VPS35: variants seen among roughly 807,000 people sequenced by gnomAD.
VPS35 encodes VPS35 retromer complex component.
A neutral mutation model predicts 98.1 loss-of-function variants in VPS35; 21 were observed. The observed-to-expected ratio is 0.21, with a 90% CI of 0.15 to 0.31. The LOEUF (loss-of-function observed/expected upper bound fraction) is 0.31, where lower values mean the gene tolerates loss of function less well. Ranked by LOEUF, VPS35 falls within the 10% of genes least tolerant of loss-of-function variation. VPS35 has a pLI of 1.00. For missense variants in VPS35, 554 were observed against 950.8 expected (o/e 0.58, Z 5.49); for synonymous variants, 268 against 318.2 (o/e 0.84, Z 1.68).
chr16:46,664,069 T>A (rs1192519107), intron 13 of VPS35, among the ~76,000 whole-genome samples: 1 of 151,918 alleles, frequency 6.6e-6, no homozygotes, highest in Admixed American at 6.6e-5. Flanking sequence ...ATTAGAAAAA[T>A]ACACAAAATC....
At chr16:46,683,862 C>G (rs979722409) in intron 1 of VPS35, among the ~76,000 whole-genome samples, 7 of 152,114 alleles carry the variant, frequency 4.6e-5, no homozygotes, top group African/African-American at 1.4e-4. Flanking sequence ...GTAGCTGGGA[C>G]TACAAGCGCC....
rs1965845730 is a variant in VPS35, at chr16:46,656,515, G to T, written c.*3957C>A. 1 of 152,212 alleles carries T rather than the reference G, an allele frequency of 6.6e-6. No homozygotes were observed. Among genetic ancestry groups the T allele is most frequent in the Non-Finnish European group, 1.5e-5 (1 of 68,042 alleles). The allele number at this position is 152,212 out of a possible 1,614,324, so 9.4% of individuals were successfully genotyped here. The stretch of plus-strand genomic sequence containing the variant: ...CCTTGTTCATTCCTGGGCATAGGTA[G>T]AACTAACCTTGGGAAGTAATTTATA... On this transcript the variant is annotated 3_prime_UTR_variant, in exon 17 of 17. Coordinates refer to ENST00000299138, the MANE Select transcript of VPS35 (RefSeq NM_018206.6).
At position 46,662,405 on chromosome 16, in the gene VPS35, A is replaced by C. The variant is rs569735490; in HGVS notation, c.1905T>G (p.Phe635Leu). 4.3e-6 allele frequency: 7 copies of C among 1,614,174 alleles called. No individual in the cohort carries two copies. In the African/African-American group the frequency reaches 6.7e-5, roughly 15 times the overall value. Reference protein sequence around the residue: ...LAAITLIIGTFERMKCFSEEN... With the variant: ...LAAITLIIGTLERMKCFSEEN... Reference sequence around the variant, plus strand: ...CTTCACTGAAGCACTTCATCCTTTCAAAAGTGCCAATGATCAAGGTGATGG... The same window carrying C: ...CTTCACTGAAGCACTTCATCCTTTCCAAAGTGCCAATGATCAAGGTGATGG... The change falls in exon 15 of 17, where the codon TTT (phenylalanine) becomes TTG (leucine). Residue 635 changes from phenylalanine to leucine, a missense_variant. Transcript: ENST00000299138.
In VPS35 at chr16:46,674,351, T is replaced by C. The variant is rs1461530466; in HGVS notation, c.1123A>G (p.Thr375Ala). 3 of 1,614,136 alleles carry C rather than the reference T, an allele frequency of 1.9e-6. No individual in the cohort carries two copies. Among genetic ancestry groups the C allele is most frequent in the Non-Finnish European group, 2.5e-6 (3 of 1,180,018 alleles). Reference sequence around the variant, plus strand: ...AGCTTATTGAATATCTCCACTGTTGTTTCTAGAACTTTATCAACATAGTCC... The same window carrying C: ...AGCTTATTGAATATCTCCACTGTTGCTTCTAGAACTTTATCAACATAGTCC... ...RVDYVDKVLE[T>A]TVEIFNKLNL... The change falls in exon 10 of 17, where the codon ACA (threonine) becomes GCA (alanine). Residue 375 changes from threonine (T) to alanine (A), a missense_variant. Coordinates refer to ENST00000299138, the MANE Select transcript of VPS35 (RefSeq NM_018206.6).
intron 2 of VPS35, 196 bp downstream of exon 2, chr16:46,683,312 T>C (rs756681166): frequency 1.9e-4 from 114 of 611,726 alleles, no homozygotes; most frequent in Non-Finnish European, 2.9e-4. Flanking sequence ...TCCCAAACCA[T>C]AAATATACAT....
At chr16:46,676,078 A>AAC (rs1966145863) in intron 8 of VPS35, among the ~76,000 whole-genome samples, 1 of 151,192 alleles carries the variant, frequency 6.6e-6, no homozygotes, top group Non-Finnish European at 1.5e-5. Flanking sequence ...AAAAAAAAAA[A>AAC]AAAAAAAAAA....
chr16:46,660,776 G>C (rs1486779772), intron 16 of VPS35, 125 bp from the exon 17 acceptor site: 2 of 283,576 alleles, frequency 7.1e-6, no homozygotes, highest in Non-Finnish European at 1.3e-5. Context: ...TATGAAAAAA[G>C]AAAGATGGGG....
At chr16:46,672,635 G>A (rs1195743459) in intron 10 of VPS35, among the ~76,000 whole-genome samples, 163 bp from the exon 11 acceptor site, 1 of 152,156 alleles carries the variant, frequency 6.6e-6, no homozygotes. Context: ...CTTTCAGGAG[G>A]ATAAAAATGC....
At position 46,672,403 on chromosome 16, in the gene VPS35, G is replaced by A; in HGVS notation, c.1230C>T (p.Asn410=). 2 of 1,613,686 alleles carry A rather than the reference G, an allele frequency of 1.2e-6. No homozygotes were observed. The highest frequency in any genetic ancestry group is 1.7e-6 in the Non-Finnish European group (2 of 1,179,852). ...RLLKIPVDTY[N]NILTVLKLKH... is the part of the protein sequence containing the mutation. ...TTAATTTCAAGACTGTTAAAATATT[G>A]TTGTAAGTGTCAACTGGTATTTTCA... The change falls in exon 11 of 17, where the codon AAC becomes AAT. Residue 410 remains asparagine (N), a synonymous_variant. Coordinates refer to ENST00000299138, the MANE Select transcript of VPS35 (RefSeq NM_018206.6).
At chr16:46,681,322 G>T (rs373254993) in intron 4 of VPS35, 55 bp downstream of exon 4, 2 of 1,607,564 alleles carry the variant, frequency 1.2e-6, no homozygotes, top group South Asian at 1.1e-5. Context: ...CATAAAAGAC[G>T]TAACATATAG....
At chr16:46,672,498 A>G in intron 10 of VPS35, 26 bp from the exon 11 acceptor site, 1 of 1,586,992 alleles carries the variant, frequency 6.3e-7, no homozygotes, top group Non-Finnish European at 8.6e-7. Context: ...CAGAAGTCTT[A>G]ATGAATAAAA....
Position 46,658,847 on chromosome 16 carries a change from G to A in VPS35, c.*1625C>T, listed in dbSNP as rs910600737. On this transcript the variant is annotated 3_prime_UTR_variant, in exon 17 of 17. Transcript: ENST00000299138. ...TAGTCATCAAGTGCTAGCAATGGGAGGGCAGATGGTGAGGGGTTAAGTGAT... is the reference window on the plus strand; with the variant it reads ...TAGTCATCAAGTGCTAGCAATGGGAAGGCAGATGGTGAGGGGTTAAGTGAT... 6 of 152,260 alleles carry A rather than the reference G, an allele frequency of 3.9e-5. No homozygotes were observed. The highest frequency in any genetic ancestry group is 7.2e-5 in the African/African-American group (3 of 41,476). 9.4% of individuals were successfully genotyped at this position (152,260 alleles called of 1,614,324 possible).
At chr16:46,679,658 G>T (rs879575980) in intron 5 of VPS35, among the ~76,000 whole-genome samples, 7 of 152,158 alleles carry the variant, frequency 4.6e-5, no homozygotes, top group Admixed American at 1.3e-4. Context: ...TTTTTAATTG[G>T]AATGTAAGCT....
At position 46,660,783 on chromosome 16, in the gene VPS35, G is replaced by T. The variant is rs186258822; in HGVS notation, c.2212-132C>A. 5.8e-6 allele frequency: 4 copies of T among 693,838 alleles called. No homozygotes were observed. In the African/African-American group the frequency reaches 7.2e-5, roughly 13 times the overall value. 43.0% of individuals were successfully genotyped at this position (693,838 alleles called of 1,614,324 possible). A position where few individuals can be genotyped will look rare whatever the true frequency, so the allele number is the denominator to read the frequency against. On this transcript the variant is annotated intron_variant, in intron 16 of 16. Coordinates refer to ENST00000299138, the MANE Select transcript of VPS35 (RefSeq NM_018206.6). ...TGAGTAATTATGAAAAAAGAAAGATGGGGATACAATTCCTAGTTTGAACAA... is the reference window on the plus strand; with the variant it reads ...TGAGTAATTATGAAAAAAGAAAGATTGGGATACAATTCCTAGTTTGAACAA...
Position 46,671,923 on chromosome 16 carries a change from CAA to C in VPS35, c.1369-65_1369-64del. The C allele has an allele frequency of 2.5e-6, 4 of 1,599,656 alleles. 1 individual carries two copies. In the South Asian group the frequency reaches 4.5e-5, roughly 18 times the overall value. ...AACCATTGGCATACAAAGCCATTAT[CAA>C]AAGTGTTTCCAGTTATAAAATTACA... On this transcript the variant is annotated intron_variant, in intron 11 of 16. Coordinates refer to ENST00000299138, the MANE Select transcript of VPS35 (RefSeq NM_018206.6).
At chr16:46,687,600 C>T (rs544289111) in intron 1 of VPS35, among the ~76,000 whole-genome samples, 1 of 152,246 alleles carries the variant, frequency 6.6e-6, no homozygotes, top group Non-Finnish European at 1.5e-5. Flanking sequence ...CACTGTATTA[C>T]AGTTAAGTTC....
At chr16:46,681,701 C>T (rs1966237995) in intron 3 of VPS35, 4 of 612,048 alleles carry the variant, frequency 6.5e-6, no homozygotes, top group Non-Finnish European at 1.1e-5. Flanking sequence ...TCAAGCAAAG[C>T]AGTAAATACA....
At chr16:46,676,817 A>G in intron 7 of VPS35, 125 bp from the exon 8 acceptor site, 1 of 732,996 alleles carries the variant, frequency 1.4e-6, no homozygotes, top group Non-Finnish European at 2.5e-6. Flanking sequence ...CAAACACATT[A>G]CTTTTGAACC....
chr16:46,668,571 T>C (rs531087337), intron 13 of VPS35, among the ~76,000 whole-genome samples: 1 of 152,210 alleles, frequency 6.6e-6, no homozygotes. Flanking sequence ...CCACAACTCA[T>C]ATTATTCAAT....
Sources: allele counts gnomAD v4.1 joint callset (sites outside exome capture counted in the v4.1 genomes callset), GRCh38; gene constraint gnomAD v4.1.1; transcripts MANE v1.5; gene names NCBI Gene and HGNC (gene_info 2026-07-23, HGNC 2026-07-21).